The following C1QB variants were observed in gnomAD, a reference collection of about 807,000 sequenced individuals.
C1QB encodes the protein complement C1q subcomponent subunit B.
A neutral mutation model predicts 4.6 loss-of-function variants in C1QB; 2 were observed. The observed-to-expected ratio is 0.43, with a 90% CI of 0.18 to 1.36. C1QB has a LOEUF of 1.36. Among genes scored for constraint, C1QB ranks in the 40% most tolerant of loss-of-function variants. C1QB has a pLI of 0.28. For missense variants in C1QB, 292 were observed against 338.0 expected (o/e 0.86, Z 1.07); for synonymous variants, 132 against 137.1 (o/e 0.96, Z 0.26).
In C1QB at chr1:22,660,988, A is replaced by G. The variant is rs867527641; in HGVS notation, c.358A>G (p.Ile120Val). Reference sequence around the variant, plus strand: ...GGGAGACTACAAGGCCACCCAGAAAATCGCCTTCTCTGCCACAAGAACCAT... The same window carrying G: ...GGGAGACTACAAGGCCACCCAGAAAGTCGCCTTCTCTGCCACAAGAACCAT... The part of the protein sequence containing the change: ...ESGDYKATQK[I>V]AFSATRTINV... Residue 120 changes from isoleucine (I) to valine (V), a missense_variant, in exon 3 of 3, where the codon ATC (isoleucine) becomes GTC (valine). Transcript: ENST00000509305. 6.2e-6 allele frequency: 10 copies of G among 1,613,746 alleles called. No individual in the cohort carries two copies. In the African/African-American group the frequency reaches 9.3e-5, roughly 15 times the overall value.
intron 1 of C1QB, among the ~76,000 whole-genome samples, chr1:22,658,479 C>T (rs937203246): frequency 3.3e-5 from 5 of 152,218 alleles, no homozygotes; most frequent in African/African-American, 1.2e-4. Context: ...TCCCAGCATC[C>T]TTCTCTTTCT....
chr1:22,661,570 T>A lies in C1QB; in HGVS notation c.*184T>A. Reference sequence around the variant, plus strand: ...TAATTCAACTCTGTGTCCCAGCACCTGGCACACCAGAAGTGCCATGCTCAG... The same window carrying A: ...TAATTCAACTCTGTGTCCCAGCACCAGGCACACCAGAAGTGCCATGCTCAG... On this transcript the variant is annotated 3_prime_UTR_variant, in exon 3 of 3. Transcript: ENST00000509305. 1 of 668,482 alleles carries A rather than the reference T, an allele frequency of 1.5e-6. No homozygotes were observed. The highest frequency in any genetic ancestry group is 1.8e-5 in the South Asian group (1 of 56,324). The allele number at this position is 668,482 out of a possible 1,614,324, so 41.4% of individuals were successfully genotyped here. A position where few individuals can be genotyped will look rare whatever the true frequency, so the allele number is the denominator to read the frequency against.
In C1QB at chr1:22,661,561, C is replaced by G; in HGVS notation, c.*175C>G. The G allele has an allele frequency of 1.4e-6, 1 of 708,830 alleles. No homozygotes were observed. The highest frequency in any genetic ancestry group is 2.4e-6 in the Non-Finnish European group (1 of 417,410). The allele number at this position is 708,830 out of a possible 1,614,324, so 43.9% of individuals were successfully genotyped here. A position where few individuals can be genotyped will look rare whatever the true frequency, so the allele number is the denominator to read the frequency against. ...ACAGTGGTCTAATTCAACTCTGTGT[C>G]CCAGCACCTGGCACACCAGAAGTGC... On this transcript the variant is annotated 3_prime_UTR_variant, in exon 3 of 3. Transcript: ENST00000509305.
intron 1 of C1QB, among the ~76,000 whole-genome samples, chr1:22,655,051 C>T (rs1354216248): frequency 2.0e-5 from 3 of 152,158 alleles, no homozygotes; most frequent in South Asian, 2.1e-4. Context: ...TCTCTGATCC[C>T]GTTGCCTCAT....
At chr1:22,654,919 T>G (rs1269193739) in intron 1 of C1QB, among the ~76,000 whole-genome samples, 3 of 152,186 alleles carry the variant, frequency 2.0e-5, no homozygotes, top group Non-Finnish European at 4.4e-5. Context: ...GCTTCAAAGT[T>G]TATGTTTTTA....
Position 22,659,595 on chromosome 1 carries a change from CCT to C in C1QB, c.134_135del (p.Pro45ArgfsTer26). 6.2e-7 allele frequency: 1 copy of C among 1,613,970 alleles called. No individual in the cohort carries two copies. Among genetic ancestry groups the C allele is most frequent in the Non-Finnish European group, 8.5e-7 (1 of 1,179,916 alleles). On this transcript the variant is annotated frameshift_variant, in exon 2 of 3. Transcript: ENST00000509305. LOFTEE classifies it low-confidence loss of function (END_TRUNC). ...TGGCATCCCGGGTATCCCTGGGACA[CCT>C]GGCCCCGATGGCCAACCTGGGACCC... ...IPGIPGIPGT[P>X]GPDGQPGTPG...
Position 22,661,459 on chromosome 1 carries a change from T to C in C1QB, c.*73T>C. The C allele has an allele frequency of 6.4e-7, 1 of 1,560,574 alleles. No individual in the cohort carries two copies. ...TCACTCTACCCCCAACACCACCCCT[T>C]GCCCAACCAATGCACACAGTAGGGC... On this transcript the variant is annotated 3_prime_UTR_variant, in exon 3 of 3. Transcript: ENST00000509305.
At chr1:22,653,720 G>A (rs1288733016) in intron 1 of C1QB, among the ~76,000 whole-genome samples, 5 of 152,196 alleles carry the variant, frequency 3.3e-5, no homozygotes, top group Non-Finnish European at 5.9e-5. Context: ...GCATGCCCTG[G>A]CTCAAAATTT....
At chr1:22,656,770 C>T (rs1364786039) in intron 1 of C1QB, among the ~76,000 whole-genome samples, 3 of 152,176 alleles carry the variant, frequency 2.0e-5, no homozygotes, top group African/African-American at 7.2e-5. Flanking sequence ...GACTGCTCCC[C>T]CTCAGACACC....
chr1:22,656,199 T>C (rs1038262078), intron 1 of C1QB, among the ~76,000 whole-genome samples: 1 of 152,138 alleles, frequency 6.6e-6, no homozygotes, highest in Admixed American at 6.5e-5. Context: ...AACTTAAGAA[T>C]AGGCTGAAGG....
chr1:22,658,600 G>A (rs573242751), intron 1 of C1QB, among the ~76,000 whole-genome samples: 28 of 152,244 alleles, frequency 1.8e-4, no homozygotes, highest in Non-Finnish European at 3.7e-4. Context: ...AGGAGGGCAG[G>A]GACTGTATCC....
chr1:22,659,694 T>C, intron 2 of C1QB, 51 bp downstream of exon 2: 1 of 1,558,836 alleles, frequency 6.4e-7, no homozygotes, highest in Non-Finnish European at 8.7e-7. Context: ...ATTTCCCGTC[T>C]CCTGCCTCCC....
In C1QB at chr1:22,661,386, A is replaced by C. The variant is rs747160808; in HGVS notation, c.756A>C (p.Ter252CysextTer35). ...GFLLFPDMEA[*>C] ...TGCTCTTTCCAGATATGGAGGCCTG[A>C]CCTGTGGGCTGCTTCACATCCACCC... is the stretch of plus-strand genomic sequence containing the variant. Residue 252 changes from the stop codon to cysteine, a stop_lost, in exon 3 of 3, where the codon TGA becomes TGC. Transcript: ENST00000509305. 3 of 1,613,610 alleles carry C rather than the reference A, an allele frequency of 1.9e-6. No homozygotes were observed. The highest frequency in any genetic ancestry group is 8.5e-7 in the Non-Finnish European group (1 of 1,179,932).
chr1:22,658,689 G>A (rs294186), intron 1 of C1QB, among the ~76,000 whole-genome samples: 9,735 of 152,246 alleles, frequency 0.064, 806 homozygotes, highest in East Asian at 0.21. Flanking sequence ...TATGGATGGA[G>A]GAATGGATGG....
intron 1 of C1QB, among the ~76,000 whole-genome samples, chr1:22,655,040 C>T (rs377757608): frequency 5.9e-5 from 9 of 152,196 alleles, no homozygotes; most frequent in South Asian, 2.1e-4. Context: ...GGTGCTTGCC[C>T]TCTCTGATCC....
At chr1:22,659,739 C>A in intron 2 of C1QB, 96 bp downstream of exon 2, 1 of 1,411,784 alleles carries the variant, frequency 7.1e-7, no homozygotes, top group Non-Finnish European at 9.8e-7. Context: ...ACTGCAAAAG[C>A]ACTGGCAAAT....
At chr1:22,660,140 C>T (rs1642599194) in intron 2 of C1QB, among the ~76,000 whole-genome samples, 1 of 152,182 alleles carries the variant, frequency 6.6e-6, no homozygotes, top group Admixed American at 6.5e-5. Flanking sequence ...CTGTCTGTGC[C>T]AGTCACTCTC....
chr1:22,658,516 C>G (rs1642559665), intron 1 of C1QB, among the ~76,000 whole-genome samples: 3 of 152,218 alleles, frequency 2.0e-5, no homozygotes, highest in South Asian at 2.1e-4. Flanking sequence ...CGGTCTATCA[C>G]TATTTCTATT....
intron 2 of C1QB, 74 bp from the exon 3 acceptor site, chr1:22,660,738 C>A: frequency 6.7e-7 from 1 of 1,484,384 alleles, no homozygotes. Flanking sequence ...AGGCAGGGCC[C>A]TGCCCAAGGT....
Sources: allele counts gnomAD v4.1 joint callset (sites outside exome capture counted in the v4.1 genomes callset), GRCh38; gene constraint gnomAD v4.1.1; transcripts MANE v1.5; gene names NCBI Gene and HGNC (gene_info 2026-07-23, HGNC 2026-07-21).